Variants in RAG1 observed in about 807,000 individuals in gnomAD.
RAG1 encodes recombination activating 1.
Under a neutral mutation model 62.7 loss-of-function variants are expected in RAG1, and 35 were observed. That is an observed-to-expected ratio of 0.56 (90% CI 0.43 to 0.74). RAG1 has a LOEUF of 0.74. Ranked by LOEUF, RAG1 falls within the 30% of genes least tolerant of loss-of-function variation. The pLI is 0.00. For synonymous variants in RAG1, 461 were observed against 470.3 expected (o/e 0.98, Z 0.26); for missense variants, 1,169 against 1,278.6 (o/e 0.91, Z 1.31).
intron 2 of RAG1, among the ~76,000 whole-genome samples, chr11:36,527,823 T>C (rs181844829): frequency 6.6e-6 from 1 of 152,288 alleles, no homozygotes; most frequent in African/African-American, 2.4e-5. Context: ...TATTTTATTC[T>C]CTTTGTGGCA....
At position 36,576,200 on chromosome 11, in the gene RAG1, T is replaced by A. The variant is rs973731079; in HGVS notation, c.2896T>A (p.Ser966Thr). 5 of 1,613,838 alleles carry A rather than the reference T, an allele frequency of 3.1e-6. No homozygotes were observed. Among genetic ancestry groups the A allele is most frequent in the Non-Finnish European group, 4.2e-6 (5 of 1,180,018 alleles). ...GGCATGGGCAAGTGAGGGAAATGAG[T>A]CTGGTAACAAACTGTTTAGGCGCTT... ...IGAWASEGNE[S>T]GNKLFRRFRK... The change falls in exon 2 of 2, where the codon TCT becomes ACT. Residue 966 changes from serine (S) to threonine (T), a missense_variant. This residue lies in a region of RAG1 where 800 missense variants were observed against 943.3 expected (regional missense o/e 0.85). Coordinates refer to ENST00000299440, the MANE Select transcript of RAG1 (RefSeq NM_000448.3).
chr11:36,542,965 A>G (rs1850331730), intron 3 of RAG1, among the ~76,000 whole-genome samples: 1 of 152,244 alleles, frequency 6.6e-6, no homozygotes, highest in Admixed American at 6.5e-5. Context: ...CTGAAACTCC[A>G]TTAGGAATCC....
chr11:36,537,785 A>T (rs907471792), downstream of RAG1, among the ~76,000 whole-genome samples: 2 of 152,134 alleles, frequency 1.3e-5, no homozygotes, highest in Non-Finnish European at 2.9e-5. Context: ...ATTTGATTTG[A>T]TTCAGTTATC....
In RAG1 at chr11:36,542,674, C is replaced by T. The variant is rs560780845; in HGVS notation, c.-412+6640C>T. On this transcript the variant is annotated intron_variant and NMD_transcript_variant, in intron 3 of 9. Transcript: ENST00000534663. ...AGAGGAGAATTGGGAGTGTGGCCTCCGAGGCATTGAATGGTACAGAAAACA... is the reference window on the plus strand; with the variant it reads ...AGAGGAGAATTGGGAGTGTGGCCTCTGAGGCATTGAATGGTACAGAAAACA... Among the ~76,000 whole-genome samples the T allele has an allele frequency of 1.5e-4, 23 of 152,164 alleles. 1 individual carries two copies. Among genetic ancestry groups the T allele is most frequent in the African/African-American group, 5.5e-4 (23 of 41,498 alleles).
chr11:36,541,637 T>C (rs1860419305), intron 3 of RAG1, among the ~76,000 whole-genome samples: 1 of 152,160 alleles, frequency 6.6e-6, no homozygotes, highest in Non-Finnish European at 1.5e-5. Context: ...GGCCCTTGCT[T>C]GGATAGCCGA....
In RAG1 at chr11:36,574,205, G is replaced by T; in HGVS notation, c.901G>T (p.Ala301Ser). 6.2e-7 allele frequency: 1 copy of T among 1,614,130 alleles called. No homozygotes were observed. The highest frequency in any genetic ancestry group is 8.5e-7 in the Non-Finnish European group (1 of 1,180,030). Reference protein sequence around the residue: ...ISCQICEHILADPVETNCKHV... With the variant: ...ISCQICEHILSDPVETNCKHV... ...CTGCCAGATCTGTGAACACATTCTG[G>T]CTGACCCTGTGGAGACCAACTGTAA... Residue 301 changes from alanine (A) to serine (S), a missense_variant, in exon 2 of 2, where the codon GCT becomes TCT. By Grantham distance (99) the Ala-to-Ser change is moderately conservative. Transcript: ENST00000299440.
intron 3 of RAG1, among the ~76,000 whole-genome samples, chr11:36,548,483 C>T (rs1850431297): frequency 6.6e-6 from 1 of 152,022 alleles, no homozygotes; most frequent in African/African-American, 2.4e-5. Flanking sequence ...CAATAATAGA[C>T]AAACAGAGAG....
Position 36,573,400 on chromosome 11 carries a change from G to T in RAG1, c.96G>T (p.Leu32=). 1.2e-6 allele frequency: 2 copies of T among 1,614,102 alleles called. No homozygotes were observed. Among genetic ancestry groups the T allele is most frequent in the Non-Finnish European group, 1.7e-6 (2 of 1,180,032 alleles). ...HIKFSEWKFK[L]FRVRSFEKTP... ...AATTTTCAGAATGGAAATTTAAGCT[G>T]TTCCGGGTGAGATCCTTTGAAAAGA... The change falls in exon 2 of 2, where the codon CTG becomes CTT. Residue 32 remains leucine (L), a synonymous_variant. Coordinates refer to ENST00000299440, the MANE Select transcript of RAG1 (RefSeq NM_000448.3).
chr11:36,547,320 A>G (rs1015141726), intron 3 of RAG1, among the ~76,000 whole-genome samples: 1 of 152,176 alleles, frequency 6.6e-6, no homozygotes, highest in Non-Finnish European at 1.5e-5. Flanking sequence ...AACTCTAAAA[A>G]ATCAATGAAT....
At chr11:36,549,845 G>C (rs553551601) in intron 3 of RAG1, among the ~76,000 whole-genome samples, 1 of 152,134 alleles carries the variant, frequency 6.6e-6, no homozygotes, top group Non-Finnish European at 1.5e-5. Flanking sequence ...GTACACAATA[G>C]CAAAGACTTG....
chr11:36,541,722 T>C (rs1216933033), intron 3 of RAG1, among the ~76,000 whole-genome samples: 1 of 152,070 alleles, frequency 6.6e-6, no homozygotes, highest in East Asian at 1.9e-4. Flanking sequence ...AAAAGTTTAG[T>C]CTAATATAAA....
At chr11:36,561,674 T>C (rs1311336581) in intron 3 of RAG1, among the ~76,000 whole-genome samples, 2 of 152,206 alleles carry the variant, frequency 1.3e-5, no homozygotes, top group Admixed American at 6.5e-5. Context: ...TCTTTCTACC[T>C]GATTGCTGAA....
At chr11:36,528,428 A>G (rs1379294901) in intron 2 of RAG1, among the ~76,000 whole-genome samples, 1 of 152,170 alleles carries the variant, frequency 6.6e-6, no homozygotes, top group Non-Finnish European at 1.5e-5. Context: ...AGAGATAAAG[A>G]TGTTCTTTGA....
chr11:36,530,511 T>A (rs192640590), intron 2 of RAG1, among the ~76,000 whole-genome samples: 1 of 152,098 alleles, frequency 6.6e-6, no homozygotes, highest in Admixed American at 6.6e-5. Context: ...TCCTATGAGT[T>A]ATAAGTTGTA....
Position 36,576,521 on chromosome 11 carries a change from C to A in RAG1, c.*85C>A. 2.0e-6 allele frequency: 3 copies of A among 1,491,614 alleles called. No homozygotes were observed. The highest frequency in any genetic ancestry group is 2.8e-6 in the Non-Finnish European group (3 of 1,071,748). 92.4% of individuals were successfully genotyped at this position (1,491,614 alleles called of 1,614,324 possible). A position where few individuals can be genotyped will look rare whatever the true frequency, so the allele number is the denominator to read the frequency against. ...GGGCTTCTCCTAGCACCCTTTACTG[C>A]TGTGTATGGGGCTTCACCATCCAAG... is the stretch of plus-strand genomic sequence containing the variant. On this transcript the variant is annotated 3_prime_UTR_variant, in exon 2 of 2. Coordinates refer to ENST00000299440, the MANE Select transcript of RAG1 (RefSeq NM_000448.3).
At chr11:36,522,796 A>G (rs1860102217) in intron 2 of RAG1, among the ~76,000 whole-genome samples, 1 of 152,238 alleles carries the variant, frequency 6.6e-6, no homozygotes, top group Non-Finnish European at 1.5e-5. Flanking sequence ...CACCTCTTGC[A>G]TCAGTGTGAC....
chr11:36,538,919 C>T (rs950421842), downstream of RAG1, among the ~76,000 whole-genome samples: 2 of 152,176 alleles, frequency 1.3e-5, no homozygotes, highest in African/African-American at 4.8e-5. Context: ...GAAGAGGCCT[C>T]AATTCAATCA....
At chr11:36,561,042 G>A (rs1390996079) in intron 3 of RAG1, among the ~76,000 whole-genome samples, 1 of 152,156 alleles carries the variant, frequency 6.6e-6, no homozygotes, top group African/African-American at 2.4e-5. Flanking sequence ...ACCTTCCTTA[G>A]GCACAATTAT....
upstream of RAG1, among the ~76,000 whole-genome samples, chr11:36,566,200 C>T (rs1179690377): frequency 6.6e-6 from 1 of 152,038 alleles, no homozygotes; most frequent in African/African-American, 2.4e-5. Flanking sequence ...GAAAAGGATT[C>T]CATTTATAAA....
Sources: gnomAD v4.1 joint callset for allele counts (sites outside exome capture counted in the v4.1 genomes callset) on GRCh38, gnomAD v4.1.1 for gene constraint, gnomAD v4.1.1 regional missense constraint, MANE v1.5 for transcripts, NCBI Gene and HGNC (gene_info 2026-07-23, HGNC 2026-07-21) for gene names.